SAMD5: variants seen among roughly 807,000 people sequenced by gnomAD.
SAMD5 encodes the protein sterile alpha motif domain containing 5, also known as sterile alpha motif domain-containing protein 5.
A neutral mutation model predicts 11.3 loss-of-function variants in SAMD5; 13 were observed. The observed-to-expected ratio is 1.15, with a 90% CI of 0.75 to 1.83. The LOEUF (loss-of-function observed/expected upper bound fraction) is 1.83. Ranked by LOEUF, SAMD5 falls within the 40% of genes most tolerant of loss-of-function variation. SAMD5 has a pLI of 0.00. For synonymous variants in SAMD5, 129 were observed against 111.3 expected (o/e 1.16, Z -1.00); for missense variants, 255 against 239.1 (o/e 1.07, Z -0.44).
At chr6:147,837,643 A>G in the SAMD5 span, among the ~76,000 whole-genome samples, 2 of 152,192 alleles carry the variant, frequency 1.3e-5, no homozygotes. Context: ...CAAAGCAGAG[A>G]GACAGAAGTT....
At chr6:147,764,131 C>T in the SAMD5 span, among the ~76,000 whole-genome samples, 3 of 152,136 alleles carry the variant, frequency 2.0e-5, no homozygotes, top group Non-Finnish European at 2.9e-5. Context: ...AAAGTAGGAG[C>T]GTATTTCATA....
the SAMD5 span, among the ~76,000 whole-genome samples, chr6:147,796,368 G>A: frequency 5.9e-5 from 9 of 152,056 alleles, no homozygotes; most frequent in Admixed American, 5.9e-4. Context: ...TCAAAGATCA[G>A]ATAGTTGTAG....
chr6:147,914,345 C>T, the SAMD5 span, among the ~76,000 whole-genome samples: 4 of 152,012 alleles, frequency 2.6e-5, no homozygotes, highest in South Asian at 2.1e-4. Flanking sequence ...ACAACAACAA[C>T]GACAACAACA....
chr6:147,932,608 G>A, the SAMD5 span, among the ~76,000 whole-genome samples: 1 of 149,268 alleles, frequency 6.7e-6, no homozygotes, highest in Non-Finnish European at 1.5e-5. Context: ...GTGTGTGTGT[G>A]TGTGTGTGTG....
the SAMD5 span, among the ~76,000 whole-genome samples, chr6:147,868,924 T>C: frequency 6.6e-6 from 1 of 152,172 alleles, no homozygotes; most frequent in Non-Finnish European, 1.5e-5. Context: ...ATAAGTACTC[T>C]AGAAGTATTT....
intron 1 of SAMD5, among the ~76,000 whole-genome samples, chr6:147,696,116 T>C (rs1166544335): frequency 1.3e-5 from 2 of 151,990 alleles, no homozygotes; most frequent in African/African-American, 4.8e-5. Flanking sequence ...GTGTAGGGTG[T>C]TCACTGAGGA....
At chr6:147,618,431 G>T (rs532177719) in intron 1 of SAMD5, among the ~76,000 whole-genome samples, 52 of 152,354 alleles carry the variant, frequency 3.4e-4, no homozygotes, top group African/African-American at 1.2e-3. Flanking sequence ...GAGATTGGGA[G>T]GAAGGTGGGG....
At chr6:147,747,389 A>C in the SAMD5 span, among the ~76,000 whole-genome samples, 3 of 152,192 alleles carry the variant, frequency 2.0e-5, no homozygotes, top group Admixed American at 6.5e-5. Flanking sequence ...TTGCTGCTGA[A>C]TTAAATGGGG....
rs114432981 is a variant in SAMD5 at position 147,633,310 on chromosome 6, C to G, written c.163-104007C>G. The stretch of plus-strand genomic sequence containing the variant: ...GCTTTGAAAAGATGAAAAATTCCAG[C>G]GGGCACCGCCTGCCATGTCTTCTGT... On this transcript the variant is annotated intron_variant, in intron 1 of 1. Coordinates refer to the SAMD5 transcript ENST00000566741. Among the ~76,000 whole-genome samples, 1,261 of 152,200 alleles carry G rather than the reference C, an allele frequency of 8.3e-3. 14 individuals are homozygous for G. The highest frequency in any genetic ancestry group is 0.029 in the African/African-American group (1,202 of 41,520).
chr6:147,841,084 G>A, the SAMD5 span, among the ~76,000 whole-genome samples: 1 of 152,320 alleles, frequency 6.6e-6, no homozygotes, highest in East Asian at 1.9e-4. Context: ...TTTCTAGGGT[G>A]CACATATAGC....
chr6:147,849,358 A>C, the SAMD5 span, among the ~76,000 whole-genome samples: 1 of 152,088 alleles, frequency 6.6e-6, no homozygotes, highest in Admixed American at 6.6e-5. Context: ...TTGCTTTAAA[A>C]ATTTTTTTTT....
the SAMD5 span, among the ~76,000 whole-genome samples, chr6:147,788,997 T>C: frequency 2.0e-5 from 3 of 151,158 alleles, no homozygotes; most frequent in Admixed American, 2.0e-4. Flanking sequence ...TGCAGGAGAA[T>C]GGTGTGAACC....
chr6:147,552,725 C>T (rs1201777596), intron 1 of SAMD5, among the ~76,000 whole-genome samples: 1 of 151,972 alleles, frequency 6.6e-6, no homozygotes, highest in South Asian at 2.1e-4. Flanking sequence ...CTGTGTGGGG[C>T]GGGGTTGCGG....
chr6:147,811,083 TAAC>T, the SAMD5 span, among the ~76,000 whole-genome samples: 1 of 152,176 alleles, frequency 6.6e-6, no homozygotes, highest in Non-Finnish European at 1.5e-5. Flanking sequence ...GGGATAATAA[TAAC>T]ACCCACCTGT....
the SAMD5 span, among the ~76,000 whole-genome samples, chr6:147,786,442 G>A: frequency 2.0e-5 from 3 of 152,120 alleles, no homozygotes; most frequent in African/African-American, 4.8e-5. Context: ...TTTGTGAGGC[G>A]AATATAAGCT....
chr6:147,565,132 G>T lies in SAMD5; in HGVS notation c.*676G>T. 1 of 985,286 alleles carries T rather than the reference G, an allele frequency of 1.0e-6. No homozygotes were observed. The highest frequency in any genetic ancestry group is 1.2e-6 in the Non-Finnish European group (1 of 829,608). The allele number at this position is 985,286 out of a possible 1,614,324, so 61.0% of individuals were successfully genotyped here. A position where few individuals can be genotyped will look rare whatever the true frequency, so the allele number is the denominator to read the frequency against. On this transcript the variant is annotated 3_prime_UTR_variant, in exon 2 of 2. Coordinates refer to ENST00000367474, the MANE Select transcript of SAMD5 (RefSeq NM_001030060.3). ...TTAAATTTAATCTGGCTGAGGTTTAGTATTAGGACTAATACAAGTGTCTTG... is the reference window on the plus strand; with the variant it reads ...TTAAATTTAATCTGGCTGAGGTTTATTATTAGGACTAATACAAGTGTCTTG...
intron 1 of SAMD5, among the ~76,000 whole-genome samples, chr6:147,643,893 T>TGGAAGGAAGGGAGGCAGGA (rs1790354751): frequency 2.0e-5 from 3 of 152,250 alleles, no homozygotes; most frequent in Non-Finnish European, 2.9e-5. Context: ...AAAGAAATGA[T>TGGAAGGAAGGGAGGCAGGA]AAGTTCCTAA....
At chr6:147,619,367 AAAG>A (rs1250074717) in intron 1 of SAMD5, among the ~76,000 whole-genome samples, 2 of 152,230 alleles carry the variant, frequency 1.3e-5, no homozygotes, top group African/African-American at 4.8e-5. Context: ...TTCCTGCAGA[AAAG>A]AAGTACACAC....
the SAMD5 span, among the ~76,000 whole-genome samples, chr6:147,778,879 G>A: frequency 3.9e-5 from 6 of 152,170 alleles, no homozygotes; most frequent in African/African-American, 1.4e-4. Flanking sequence ...ATGAGTACAG[G>A]ATAAGTGGAA....
Sources: allele counts gnomAD v4.1 joint callset (sites outside exome capture counted in the v4.1 genomes callset), GRCh38; gene constraint gnomAD v4.1.1; transcripts MANE v1.5; gene names NCBI Gene and HGNC (gene_info 2026-07-23, HGNC 2026-07-21).